The following WDHD1 variants were observed in gnomAD, a reference collection of about 807,000 sequenced individuals.
WDHD1 encodes WD repeat and HMG-box DNA binding protein 1, also known as WD repeat and HMG-box DNA-binding protein 1.
Under a neutral mutation model 135.4 loss-of-function variants are expected in WDHD1, and 111 were observed. The ratio of observed to expected loss-of-function variants is 0.82; its 90% CI spans 0.70 to 0.96. WDHD1 has a LOEUF of 0.96. Ranked by LOEUF, WDHD1 falls within the 40% of genes least tolerant of loss-of-function variation. WDHD1 has a pLI of 0.00. For synonymous variants in WDHD1, 434 were observed against 439.0 expected (o/e 0.99, Z 0.14); for missense variants, 1,351 against 1,336.3 (o/e 1.01, Z -0.17).
At position 54,940,266 on chromosome 14, in the gene WDHD1, G is replaced by A. The variant is rs1299080671; in HGVS notation, c.*1224C>T. 3 of 152,064 alleles carry A rather than the reference G, an allele frequency of 2.0e-5. No individual in the cohort carries two copies. The highest frequency in any genetic ancestry group is 4.8e-5 in the African/African-American group (2 of 41,400). 9.4% of individuals were successfully genotyped at this position (152,064 alleles called of 1,614,324 possible). ...AACTATTAGTAGTAGGTAGAGAAGC[G>A]GGTCTCCGAACCTAGGTAATCTGGC... On this transcript the variant is annotated 3_prime_UTR_variant, in exon 26 of 26. Transcript: ENST00000360586.
chr14:54,993,289 TAA>T (rs924586343), intron 11 of WDHD1, among the ~76,000 whole-genome samples: 4 of 152,076 alleles, frequency 2.6e-5, no homozygotes, highest in African/African-American at 9.7e-5. Context: ...GGCTAATTTT[TAA>T]AGTTTTTTTG....
intron 2 of WDHD1, among the ~76,000 whole-genome samples, chr14:55,024,616 C>T (rs1269799876): frequency 6.6e-6 from 1 of 151,834 alleles, no homozygotes; most frequent in Non-Finnish European, 1.5e-5. Context: ...ACATAAGAGA[C>T]TCCATTTTGT....
rs2042145149 is a variant in WDHD1 at position 55,010,209 on chromosome 14, C to CA, written c.341+99dup. 6.4e-6 allele frequency: 8 copies of CA among 1,258,636 alleles called. No individual in the cohort carries two copies. The South Asian group carries it at 1.9e-4, about 29-fold the overall frequency. 78.0% of individuals were successfully genotyped at this position (1,258,636 alleles called of 1,614,324 possible). A position where few individuals can be genotyped will look rare whatever the true frequency, so the allele number is the denominator to read the frequency against. On this transcript the variant is annotated intron_variant, in intron 4 of 25. Coordinates refer to ENST00000360586, the MANE Select transcript of WDHD1 (RefSeq NM_007086.4). ...GAATATATGAAGAAACAACAAACAACAAAAAATTAAGTCACGGTCCTGAAA... is the reference window on the plus strand; with the variant it reads ...GAATATATGAAGAAACAACAAACAACAAAAAAATTAAGTCACGGTCCTGAAA...
intron 17 of WDHD1, among the ~76,000 whole-genome samples, chr14:54,966,984 C>T (rs187501700): frequency 2.6e-5 from 4 of 152,288 alleles, no homozygotes; most frequent in Admixed American, 2.0e-4. Flanking sequence ...TGTTATGGCA[C>T]AAAATGTATG....
rs191870077 is a variant in WDHD1 at position 54,944,898 on chromosome 14, G to A, written c.3051-428C>T. Reference sequence around the variant, plus strand: ...GCTGGGATTACAGGCATAAGCCACCGTGCCTGGCCTCATATTACTTTAAAC... The same window carrying A: ...GCTGGGATTACAGGCATAAGCCACCATGCCTGGCCTCATATTACTTTAAAC... On this transcript the variant is annotated intron_variant, in intron 24 of 25. Transcript: ENST00000360586. Among the ~76,000 whole-genome samples, 171 of 152,182 alleles carry A rather than the reference G, an allele frequency of 1.1e-3. 1 individual carries two copies. Among genetic ancestry groups the A allele is most frequent in the African/African-American group, 3.8e-3 (156 of 41,530 alleles).
At chr14:55,001,065 T>C in intron 8 of WDHD1, 73 bp from the exon 9 acceptor site, 2 of 1,024,206 alleles carry the variant, frequency 2.0e-6, no homozygotes, top group Non-Finnish European at 2.7e-6. Context: ...ATTACCAAAT[T>C]CAATTTTCTT....
At chr14:55,008,570 T>C (rs2042111710) in intron 5 of WDHD1, 38 bp downstream of exon 5, 1 of 1,546,762 alleles carries the variant, frequency 6.5e-7, no homozygotes, top group Non-Finnish European at 8.7e-7. Flanking sequence ...TTAAACATAT[T>C]CAGGAAAAAC....
Position 54,957,638 on chromosome 14 carries a change from T to C in WDHD1, c.2702-3A>G. The C allele has an allele frequency of 6.2e-7, 1 of 1,605,020 alleles. No homozygotes were observed. Among genetic ancestry groups the C allele is most frequent in the Non-Finnish European group, 8.5e-7 (1 of 1,177,566 alleles). On this transcript the variant is annotated splice_polypyrimidine_tract_variant and splice_region_variant and intron_variant, in intron 21 of 25. Transcript: ENST00000360586. ...TTGGCTGCTAAAGGTAACTGCACCT[T>C]TCACAAAAAAGAAACCCTTGCTTAA...
At chr14:54,985,510 C>T (rs1595093803) in intron 14 of WDHD1, among the ~76,000 whole-genome samples, 1 of 152,064 alleles carries the variant, frequency 6.6e-6, no homozygotes, top group African/African-American at 2.4e-5. Flanking sequence ...GAGAGGCAGG[C>T]AAAGGTCAGA....
intron 16 of WDHD1, among the ~76,000 whole-genome samples, chr14:54,977,671 CTAAA>C (rs946455949): frequency 2.0e-5 from 3 of 151,994 alleles, no homozygotes; most frequent in African/African-American, 7.3e-5. Flanking sequence ...GACCCTGTTT[CTAAA>C]TAAATAAATA....
intron 9 of WDHD1, 121 bp from the exon 10 acceptor site, chr14:55,000,765 T>G (rs1420621404): frequency 1.9e-6 from 2 of 1,058,652 alleles, no homozygotes; most frequent in Non-Finnish European, 2.5e-6. Context: ...ATAAATAATA[T>G]AAATTTAATT....
chr14:55,008,573 G>A (rs755180743), intron 5 of WDHD1, 35 bp downstream of exon 5: 2 of 1,550,056 alleles, frequency 1.3e-6, no homozygotes, highest in Non-Finnish European at 8.7e-7. Flanking sequence ...AACATATTCA[G>A]GAAAAACACA....
intron 16 of WDHD1, among the ~76,000 whole-genome samples, chr14:54,981,070 C>G (rs1267513978): frequency 1.3e-5 from 2 of 152,160 alleles, no homozygotes; most frequent in Non-Finnish European, 2.9e-5. Flanking sequence ...GAGATCACGC[C>G]ACTACAATCC....
intron 15 of WDHD1, among the ~76,000 whole-genome samples, chr14:54,984,304 G>A (rs1441661462): frequency 6.6e-6 from 1 of 152,150 alleles, no homozygotes. Context: ...AGACCAGCCT[G>A]GGCAACATGG....
At chr14:54,948,666 CAG>C (rs1325368023) in intron 24 of WDHD1, among the ~76,000 whole-genome samples, 3 of 152,190 alleles carry the variant, frequency 2.0e-5, no homozygotes, top group Non-Finnish European at 4.4e-5. Context: ...TCTCCCAGCA[CAG>C]AGTTTGAGAT....
intron 24 of WDHD1, among the ~76,000 whole-genome samples, chr14:54,946,978 G>A (rs889190743): frequency 7.2e-5 from 11 of 152,040 alleles, no homozygotes; most frequent in African/African-American, 2.7e-4. Context: ...AGAAGGTGGA[G>A]GTTGCAGTGA....
At chr14:54,969,414 C>T (rs1031901300) in intron 16 of WDHD1, among the ~76,000 whole-genome samples, 1 of 149,896 alleles carries the variant, frequency 6.7e-6, no homozygotes, top group African/African-American at 2.4e-5. Context: ...CCAAAACTGA[C>T]AAGTGGGACC....
intron 24 of WDHD1, among the ~76,000 whole-genome samples, chr14:54,953,848 CA>C (rs1299568946): frequency 1.3e-5 from 2 of 152,240 alleles, no homozygotes; most frequent in African/African-American, 4.8e-5. Flanking sequence ...TGGGAACCAT[CA>C]TTCTCAGCAA....
chr14:54,991,276 T>C lies in WDHD1; in HGVS notation c.1278A>G (p.Pro426=), dbSNP rs774622630. ...ACTGAAATGGCTTTTGCCGGGGAGT[T>C]GGCATGGGTCCATCATAAAATGGCC... The part of the protein sequence containing the change: ...SQRPFYDGPM[P]TPRQKPFQSG... Residue 426 remains proline (P), a synonymous_variant, in exon 12 of 26, where the codon CCA becomes CCG. Transcript: ENST00000360586. 1 of 1,613,640 alleles carries C rather than the reference T, an allele frequency of 6.2e-7. No individual in the cohort carries two copies. The highest frequency in any genetic ancestry group is 8.5e-7 in the Non-Finnish European group (1 of 1,179,560).
Sources: allele counts gnomAD v4.1 joint callset (sites outside exome capture counted in the v4.1 genomes callset), GRCh38; gene constraint gnomAD v4.1.1; transcripts MANE v1.5; gene names NCBI Gene and HGNC (gene_info 2026-07-23, HGNC 2026-07-21).